CLVS1: variants seen among roughly 807,000 people sequenced by gnomAD.
CLVS1 encodes the protein clavesin-1.
CLVS1 carries 10 observed loss-of-function variants against 33.1 expected under a neutral mutation model. That is an observed-to-expected ratio of 0.30 (90% CI 0.19 to 0.51). The LOEUF (loss-of-function observed/expected upper bound fraction) is 0.51. Among genes scored for constraint, CLVS1 ranks in the 20% least tolerant of loss-of-function variants. The pLI is 0.97. For missense variants in CLVS1, 343 were observed against 433.4 expected, an observed-to-expected ratio of 0.79 and a Z score of 1.85; for synonymous variants, 163 against 166.1, an observed-to-expected ratio of 0.98 and a Z score of 0.14.
intron 2 of CLVS1, among the ~76,000 whole-genome samples, chr8:61,327,363 G>A (rs1811422843): frequency 6.6e-6 from 1 of 152,014 alleles, no homozygotes; most frequent in Non-Finnish European, 1.5e-5. Flanking sequence ...AATCTCATTT[G>A]ATATTTTTAC....
chr8:61,183,996 G>C (rs567164398), intron 2 of CLVS1, among the ~76,000 whole-genome samples: 1 of 152,214 alleles, frequency 6.6e-6, no homozygotes, highest in Non-Finnish European at 1.5e-5. Flanking sequence ...CAGCTTCCTA[G>C]GCAACTTCCA....
rs151282857 is a variant in CLVS1 at position 61,288,066 on chromosome 8, C to T, written c.-224C>T. The stretch of plus-strand genomic sequence containing the variant: ...CCGAACCTGCCAGAATAGGGGATCT[C>T]ACCCACCCAGTTCAGCAGCGAGGAC... On this transcript the variant is annotated 5_prime_UTR_variant, in exon 1 of 6. Coordinates refer to ENST00000325897, the MANE Select transcript of CLVS1 (RefSeq NM_173519.3). 405 of 455,802 alleles carry T rather than the reference C, an allele frequency of 8.9e-4. 1 individual carries two copies. The highest frequency in any genetic ancestry group is 3.5e-3 in the East Asian group (51 of 14,392). 28.2% of individuals were successfully genotyped at this position (455,802 alleles called of 1,614,324 possible).
chr8:61,067,478 TATA>T (rs1194468420), intron 1 of CLVS1, among the ~76,000 whole-genome samples: 1 of 148,820 alleles, frequency 6.7e-6, no homozygotes, highest in African/African-American at 2.4e-5. Flanking sequence ...TGATCATTAT[TATA>T]ATGATATATT....
chr8:60,992,199 C>A, the CLVS1 span, among the ~76,000 whole-genome samples: 1 of 152,140 alleles, frequency 6.6e-6, no homozygotes, highest in Non-Finnish European at 1.5e-5. Flanking sequence ...GGTAATATGT[C>A]CAATTTGTAA....
At chr8:61,212,646 A>T (rs1585692969) in intron 2 of CLVS1, among the ~76,000 whole-genome samples, 1 of 152,140 alleles carries the variant, frequency 6.6e-6, no homozygotes, top group East Asian at 1.9e-4. Flanking sequence ...CAGTGATAGG[A>T]GCTAAGGTGG....
At chr8:60,985,939 T>C in the CLVS1 span, among the ~76,000 whole-genome samples, 2 of 152,204 alleles carry the variant, frequency 1.3e-5, no homozygotes, top group Non-Finnish European at 1.5e-5. Context: ...AGTATTGAAC[T>C]GTCGACACAG....
intron 2 of CLVS1, among the ~76,000 whole-genome samples, chr8:61,360,704 A>G (rs896981465): frequency 1.3e-5 from 2 of 152,204 alleles, no homozygotes; most frequent in African/African-American, 2.4e-5. Context: ...TGCATTAGGC[A>G]TAAGAAAGAA....
At chr8:61,106,188 T>C (rs560464888) in intron 1 of CLVS1, among the ~76,000 whole-genome samples, 35 of 152,264 alleles carry the variant, frequency 2.3e-4, no homozygotes, top group Non-Finnish European at 3.4e-4. Context: ...GTTTGTTTAA[T>C]TGAACTGTAT....
intron 2 of CLVS1, among the ~76,000 whole-genome samples, chr8:61,320,597 G>T (rs1244278316): frequency 6.6e-6 from 1 of 152,180 alleles, no homozygotes. Flanking sequence ...TCTGGAGGCT[G>T]GGAAGTCCAA....
At chr8:61,254,028 GT>G (rs1809015654) in intron 2 of CLVS1, among the ~76,000 whole-genome samples, 1 of 152,158 alleles carries the variant, frequency 6.6e-6, no homozygotes, top group East Asian at 1.9e-4. Flanking sequence ...TTTCTGCTTT[GT>G]TTTTTCCCCA....
At chr8:60,985,139 A>G in the CLVS1 span, among the ~76,000 whole-genome samples, 2 of 152,220 alleles carry the variant, frequency 1.3e-5, no homozygotes, top group Non-Finnish European at 2.9e-5. Context: ...CAGAAAGTCA[A>G]TTAACTACAC....
At chr8:61,233,300 T>A (rs2129312521) in intron 2 of CLVS1, among the ~76,000 whole-genome samples, 1 of 152,300 alleles carries the variant, frequency 6.6e-6, no homozygotes, top group South Asian at 2.1e-4. Flanking sequence ...CACCCTTGCC[T>A]TGTGAGGACC....
At chr8:61,282,256 G>A (rs535111360) in intron 2 of CLVS1, among the ~76,000 whole-genome samples, 25 of 152,282 alleles carry the variant, frequency 1.6e-4, no homozygotes, top group East Asian at 7.7e-4. Flanking sequence ...GTTGCAGAGC[G>A]AAGTGGCAGT....
intron 5 of CLVS1, among the ~76,000 whole-genome samples, chr8:61,493,731 G>T (rs1036400685): frequency 6.6e-6 from 1 of 152,142 alleles, no homozygotes; most frequent in East Asian, 1.9e-4. Flanking sequence ...TCACTATTAG[G>T]CAATTCTGTG....
At chr8:61,045,321 C>A in the CLVS1 span, among the ~76,000 whole-genome samples, 1 of 152,184 alleles carries the variant, frequency 6.6e-6, no homozygotes, top group East Asian at 1.9e-4. Flanking sequence ...CCCACAAGAC[C>A]TTGACCATCT....
intron 3 of CLVS1, among the ~76,000 whole-genome samples, chr8:61,429,172 A>G (rs1816014456): frequency 6.6e-6 from 1 of 152,158 alleles, no homozygotes; most frequent in Non-Finnish European, 1.5e-5. Flanking sequence ...CTGTAATCCC[A>G]GCACTTTGGG....
chr8:61,342,486 C>A (rs536063866), intron 2 of CLVS1, among the ~76,000 whole-genome samples: 2 of 152,198 alleles, frequency 1.3e-5, no homozygotes, highest in East Asian at 3.9e-4. Context: ...CGCGCCATTC[C>A]GCTTTTCGCA....
intron 2 of CLVS1, among the ~76,000 whole-genome samples, chr8:61,191,995 A>ATAAC (rs1807494542): frequency 6.6e-6 from 1 of 152,208 alleles, no homozygotes; most frequent in African/African-American, 2.4e-5. Context: ...CAAGCTACCA[A>ATAAC]TAACTTTCTT....
chr8:61,408,272 T>C (rs1484606572), intron 3 of CLVS1, among the ~76,000 whole-genome samples: 1 of 152,172 alleles, frequency 6.6e-6, no homozygotes, highest in East Asian at 1.9e-4. Flanking sequence ...GAGGTGAAAT[T>C]TGAGCTTAGC....
Sources: gnomAD v4.1 joint callset for allele counts (sites outside exome capture counted in the v4.1 genomes callset) on GRCh38, gnomAD v4.1.1 for gene constraint, MANE v1.5 for transcripts, NCBI Gene and HGNC (gene_info 2026-07-23, HGNC 2026-07-21) for gene names.